The following NPY2R variants were observed in gnomAD, a reference collection of about 807,000 sequenced individuals.
NPY2R encodes neuropeptide Y receptor type 2.
A neutral mutation model predicts 22.3 loss-of-function variants in NPY2R; 17 were observed. That is an observed-to-expected ratio of 0.76 (90% CI 0.52 to 1.14). The LOEUF is 1.14. NPY2R is among the 50% of genes most tolerant of loss of function. The probability of loss-of-function intolerance (pLI) is 0.00; values close to 1 mark genes in which losing one functional copy is unlikely to be tolerated. For synonymous variants in NPY2R, 209 were observed against 183.4 expected, an observed-to-expected ratio of 1.14 and a Z score of -1.13; for missense variants, 424 against 467.9, an observed-to-expected ratio of 0.91 and a Z score of 0.87.
chr4:155,196,240 A>G, the NPY2R span, among the ~76,000 whole-genome samples: 676 of 152,042 alleles, frequency 4.4e-3, 6 homozygotes, highest in African/African-American at 0.013. Context: ...TTTTTCCCCA[A>G]TATGGGTTAC....
At chr4:155,174,482 ATATTTTT>A in the NPY2R span, among the ~76,000 whole-genome samples, 13,378 of 104,396 alleles carry the variant, frequency 0.13, 796 homozygotes, top group East Asian at 0.19. Flanking sequence ...ATATATATAT[ATATTTTT>A]TTTTTTAAAT....
the NPY2R span, among the ~76,000 whole-genome samples, chr4:155,183,298 C>A: frequency 6.6e-6 from 1 of 152,164 alleles, no homozygotes; most frequent in East Asian, 1.9e-4. Flanking sequence ...CATTTCAGTG[C>A]ACATTTATGA....
chr4:155,215,096 G>C lies in NPY2R; in HGVS notation c.*11G>C, dbSNP rs1406293254. 1 of 1,610,332 alleles carries C rather than the reference G, an allele frequency of 6.2e-7. No homozygotes were observed. The highest frequency in any genetic ancestry group is 1.3e-5 in the African/African-American group (1 of 74,906). On this transcript the variant is annotated 3_prime_UTR_variant, in exon 2 of 2. Coordinates refer to ENST00000329476, the MANE Select transcript of NPY2R (RefSeq NM_000910.4). ...GCTACCAATGTCTAAGGAAGCTGTG[G>C]TGTGAAAATGTATGGATGAATTCTG...
chr4:155,192,547 A>T, the NPY2R span, among the ~76,000 whole-genome samples: 1 of 151,920 alleles, frequency 6.6e-6, no homozygotes, highest in South Asian at 2.1e-4. Flanking sequence ...ATAATATGCA[A>T]TTTTCTATAG....
chr4:155,191,933 A>C, the NPY2R span, among the ~76,000 whole-genome samples: 1 of 151,942 alleles, frequency 6.6e-6, no homozygotes, highest in Non-Finnish European at 1.5e-5. Flanking sequence ...TTTGTAGGGC[A>C]ATATGGATTC....
Position 155,214,621 on chromosome 4 carries a change from T to TTG in NPY2R, c.682_683insTG (p.Tyr228LeufsTer20), listed in dbSNP as rs746379770. Reference sequence around the variant, plus strand: ...TAGTCTTTCTTCCTTGTTGATCTTGTATGTTTTGCCTCTGGGCATTATATC... The same window carrying TTG: ...TAGTCTTTCTTCCTTGTTGATCTTGTTGATGTTTTGCCTCTGGGCATTATATC... On this transcript the variant is annotated frameshift_variant, in exon 2 of 2. Coordinates refer to ENST00000329476, the MANE Select transcript of NPY2R (RefSeq NM_000910.4). LOFTEE classifies it high-confidence loss of function. 1 of 1,614,202 alleles carries TTG rather than the reference T, an allele frequency of 6.2e-7. No homozygotes were observed. Among genetic ancestry groups the TTG allele is most frequent in the Admixed American group, 1.7e-5 (1 of 60,036 alleles).
At position 155,215,250 on chromosome 4, in the gene NPY2R, G is replaced by A; in HGVS notation, c.*165G>A. 1.4e-6 allele frequency: 1 copy of A among 737,980 alleles called. No individual in the cohort carries two copies. The highest frequency in any genetic ancestry group is 1.6e-5 in the South Asian group (1 of 63,968). The allele number at this position is 737,980 out of a possible 1,614,324, so 45.7% of individuals were successfully genotyped here. A position where few individuals can be genotyped will look rare whatever the true frequency, so the allele number is the denominator to read the frequency against. On this transcript the variant is annotated 3_prime_UTR_variant, in exon 2 of 2. Transcript: ENST00000329476. ...GGAAAACTGGCTGGGCAGAGCCTGT[G>A]TGAAAATACTGGAATTCAAAGATAA...
At chr4:155,201,297 C>G in the NPY2R span, among the ~76,000 whole-genome samples, 7,765 of 152,028 alleles carry the variant, frequency 0.051, 239 homozygotes, top group Middle Eastern at 0.095. Context: ...CTGGGTCACA[C>G]AGAACACTCT....
chr4:155,200,131 G>T, the NPY2R span, among the ~76,000 whole-genome samples: 1 of 151,860 alleles, frequency 6.6e-6, no homozygotes, highest in Non-Finnish European at 1.5e-5. Context: ...AAAAATCTAC[G>T]AAGAACTTAA....
chr4:155,177,194 CCTAA>C, the NPY2R span, among the ~76,000 whole-genome samples: 1 of 152,162 alleles, frequency 6.6e-6, no homozygotes, highest in Non-Finnish European at 1.5e-5. Context: ...CGTGTTCTCA[CCTAA>C]CTGTCATCAA....
Position 155,214,881 on chromosome 4 carries a change from C to A in NPY2R, c.942C>A (p.Ala314=), listed in dbSNP as rs767487487. Residue 314 remains alanine, a synonymous_variant, in exon 2 of 2, where the codon GCC becomes GCA. Transcript: ENST00000329476. ...TCTTCACAGTGTTCCACATCATCGC[C>A]ATGTGCTCCACTTTTGCCAATCCCC... is the stretch of plus-strand genomic sequence containing the variant. ...KLIFTVFHII[A]MCSTFANPLL... is the part of the protein sequence containing the mutation. 6.2e-7 allele frequency: 1 copy of A among 1,611,626 alleles called. No individual in the cohort carries two copies. The highest frequency in any genetic ancestry group is 8.5e-7 in the Non-Finnish European group (1 of 1,178,342).
chr4:155,176,360 G>A, the NPY2R span, among the ~76,000 whole-genome samples: 4 of 152,114 alleles, frequency 2.6e-5, no homozygotes, highest in East Asian at 1.9e-4. Context: ...TCAGTCTTGC[G>A]TTGAACTCTG....
Position 155,215,109 on chromosome 4 carries a change from T to C in NPY2R, c.*24T>C, listed in dbSNP as rs1729489476. On this transcript the variant is annotated 3_prime_UTR_variant, in exon 2 of 2. Coordinates refer to ENST00000329476, the MANE Select transcript of NPY2R (RefSeq NM_000910.4). ...AAGGAAGCTGTGGTGTGAAAATGTA[T>C]GGATGAATTCTGACCAGAGCTATGA... is the stretch of plus-strand genomic sequence containing the variant. 3 of 1,602,516 alleles carry C rather than the reference T, an allele frequency of 1.9e-6. No homozygotes were observed. Among genetic ancestry groups the C allele is most frequent in the Non-Finnish European group, 2.6e-6 (3 of 1,170,986 alleles).
the NPY2R span, among the ~76,000 whole-genome samples, chr4:155,176,675 T>A: frequency 1.3e-5 from 2 of 152,256 alleles, no homozygotes; most frequent in East Asian, 3.9e-4. Flanking sequence ...TGTGTAGTAG[T>A]CTGTTCATGC....
the NPY2R span, among the ~76,000 whole-genome samples, chr4:155,176,087 T>C: frequency 6.6e-6 from 1 of 152,154 alleles, no homozygotes; most frequent in Non-Finnish European, 1.5e-5. Flanking sequence ...GATCACCACA[T>C]CCAGACAATG....
At chr4:155,196,056 A>G in the NPY2R span, among the ~76,000 whole-genome samples, 1 of 152,084 alleles carries the variant, frequency 6.6e-6, no homozygotes, top group Non-Finnish European at 1.5e-5. Context: ...AAAAAAAATC[A>G]TAAATGCATT....
In NPY2R at chr4:155,210,732, C is replaced by T. The variant is rs182398090; in HGVS notation, c.-49+1663C>T. 2.2e-3 allele frequency among the ~76,000 whole-genome samples: 341 copies of T among 152,194 alleles called. 1 individual carries two copies. The highest frequency in any genetic ancestry group is 6.5e-3 in the African/African-American group (271 of 41,530). ...CAGAGGGAGCAGGAATATATCAGTA[C>T]GGCAAACACCTGAGTACATGGAAAC... On this transcript the variant is annotated intron_variant, in intron 1 of 1. Transcript: ENST00000329476.
chr4:155,214,075 C>A lies in NPY2R; in HGVS notation c.136C>A (p.Leu46Met), dbSNP rs201188890. 8.1e-6 allele frequency: 13 copies of A among 1,613,982 alleles called. No homozygotes were observed. Among genetic ancestry groups the A allele is most frequent in the Non-Finnish European group, 1.1e-5 (13 of 1,179,862 alleles). ...GCCAGAGCTTATAGATAGTACCAAG[C>A]TGATTGAGGTACAAGTTGTTCTCAT... ...PEPELIDSTKLIEVQVVLILA... is the reference protein window; with the variant it reads ...PEPELIDSTKMIEVQVVLILA... The change falls in exon 2 of 2, where the codon CTG becomes ATG. Residue 46 changes from leucine (L) to methionine (M), a missense_variant. By Grantham distance (15) the Leu-to-Met change is conservative. Coordinates refer to ENST00000329476, the MANE Select transcript of NPY2R (RefSeq NM_000910.4).
intron 1 of NPY2R, among the ~76,000 whole-genome samples, chr4:155,211,141 G>A (rs564645761): frequency 3.3e-4 from 51 of 152,292 alleles, no homozygotes; most frequent in African/African-American, 1.2e-3. Flanking sequence ...GTATAATTGT[G>A]CTTTCCTTTA....
Sources: allele counts gnomAD v4.1 joint callset (sites outside exome capture counted in the v4.1 genomes callset), GRCh38; gene constraint gnomAD v4.1.1; transcripts MANE v1.5; gene names NCBI Gene and HGNC (gene_info 2026-07-23, HGNC 2026-07-21).